Variants in GRIP1 observed in about 807,000 individuals in gnomAD.
GRIP1 encodes the protein glutamate receptor-interacting protein 1.
GRIP1 carries 45 observed loss-of-function variants against 129.9 expected under a neutral mutation model. The observed-to-expected ratio is 0.35, with a 90% CI of 0.27 to 0.44. The LOEUF is 0.44. Among genes scored for constraint, GRIP1 ranks in the 20% least tolerant of loss-of-function variants. The pLI is 1.00. For missense variants in GRIP1, 1,196 were observed against 1,396.8 expected (o/e 0.86, Z 2.29); for synonymous variants, 530 against 520.8 (o/e 1.02, Z -0.24).
At position 66,698,820 on chromosome 12, in the gene GRIP1, C is replaced by T. The variant is rs1473541074; in HGVS notation, c.-419-68484G>A. 3.3e-5 allele frequency among the ~76,000 whole-genome samples: 5 copies of T among 152,142 alleles called. No homozygotes were observed. In the East Asian group the frequency reaches 9.6e-4, roughly 29 times the overall value. On this transcript the variant is annotated intron_variant, in intron 1 of 4. Coordinates refer to the GRIP1 transcript ENST00000538373. ...GTTACCATAACAAACTTGGTTATTT[C>T]TTTCTTTGACTTTTTAAAGCACAGT... is the stretch of plus-strand genomic sequence containing the variant.
chr12:66,951,728 G>A (rs544892179), intron 1 of GRIP1, among the ~76,000 whole-genome samples: 3 of 152,322 alleles, frequency 2.0e-5, no homozygotes, highest in Admixed American at 6.5e-5. Context: ...TTGCGTATCT[G>A]GAGAGGTACA....
At chr12:66,945,980 G>A (rs1592377300) in intron 1 of GRIP1, among the ~76,000 whole-genome samples, 1 of 152,094 alleles carries the variant, frequency 6.6e-6, no homozygotes, top group Non-Finnish European at 1.5e-5. Flanking sequence ...AGGCCCAGAT[G>A]CCCAATTCCT....
intron 1 of GRIP1, among the ~76,000 whole-genome samples, chr12:66,710,322 A>T (rs1314096098): frequency 6.6e-6 from 1 of 152,014 alleles, no homozygotes; most frequent in Non-Finnish European, 1.5e-5. Context: ...TAAAATAATA[A>T]ATAGTCTCTT....
chr12:66,715,471 T>TGAGA (rs71447469), intron 1 of GRIP1, among the ~76,000 whole-genome samples: 6,451 of 109,872 alleles, frequency 0.059, 367 homozygotes, highest in Non-Finnish European at 0.094. Flanking sequence ...TGTGTGTGTG[T>TGAGA]GAGAGAGAGA....
intron 1 of GRIP1, among the ~76,000 whole-genome samples, chr12:66,981,055 C>T (rs1016967155): frequency 2.0e-5 from 3 of 152,162 alleles, no homozygotes; most frequent in Non-Finnish European, 4.4e-5. Flanking sequence ...GCCTTCTATT[C>T]CAATTGAATT....
intron 7 of GRIP1, among the ~76,000 whole-genome samples, chr12:66,485,605 T>C (rs2059932477): frequency 6.6e-6 from 1 of 152,028 alleles, no homozygotes; most frequent in East Asian, 1.9e-4. Flanking sequence ...GGTTATACTT[T>C]ATATGTTATG....
At chr12:66,765,187 A>C (rs1246958767) in intron 1 of GRIP1, among the ~76,000 whole-genome samples, 1 of 152,180 alleles carries the variant, frequency 6.6e-6, no homozygotes, top group African/African-American at 2.4e-5. Context: ...TAGCCTGTTC[A>C]TCTGCCTGGT....
intron 1 of GRIP1, among the ~76,000 whole-genome samples, chr12:66,833,156 T>A (rs2039548837): frequency 6.6e-6 from 1 of 152,204 alleles, no homozygotes; most frequent in Admixed American, 6.5e-5. Context: ...GACATGGTGT[T>A]AAGGAAGGTG....
intron 19 of GRIP1, among the ~76,000 whole-genome samples, chr12:66,385,530 C>T (rs141902468): frequency 2.0e-5 from 3 of 151,888 alleles, no homozygotes; most frequent in East Asian, 1.9e-4. Context: ...AAGCAAAACT[C>T]GGTCTCAAAA....
At chr12:66,702,920 T>C (rs758733590) in intron 1 of GRIP1, among the ~76,000 whole-genome samples, 20 of 152,158 alleles carry the variant, frequency 1.3e-4, no homozygotes, top group Non-Finnish European at 2.4e-4. Context: ...AGAAACACCA[T>C]GAGATAAAAG....
At chr12:66,917,697 T>C (rs1237534625) in intron 1 of GRIP1, among the ~76,000 whole-genome samples, 1 of 152,200 alleles carries the variant, frequency 6.6e-6, no homozygotes, top group African/African-American at 2.4e-5. Flanking sequence ...ATTTAAAGAA[T>C]GTTCTGAGAC....
intron 1 of GRIP1, among the ~76,000 whole-genome samples, chr12:66,667,865 G>A (rs903272821): frequency 2.6e-5 from 4 of 152,176 alleles, no homozygotes; most frequent in Non-Finnish European, 5.9e-5. Context: ...TCCTTCCTCT[G>A]CCTGATTTCC....
chr12:66,788,148 A>G (rs1374712013), intron 1 of GRIP1, among the ~76,000 whole-genome samples: 3 of 152,164 alleles, frequency 2.0e-5, no homozygotes, highest in South Asian at 2.1e-4. Flanking sequence ...TTGAGTGCCA[A>G]TGGAGAACAG....
At chr12:66,871,708 G>A (rs1297338872) in intron 1 of GRIP1, among the ~76,000 whole-genome samples, 5 of 152,052 alleles carry the variant, frequency 3.3e-5, no homozygotes, top group African/African-American at 1.2e-4. Flanking sequence ...AAAGACTGCA[G>A]AGTTAAGCTG....
intron 1 of GRIP1, among the ~76,000 whole-genome samples, chr12:67,037,164 T>C (rs2043108893): frequency 6.6e-6 from 1 of 151,724 alleles, no homozygotes; most frequent in Admixed American, 6.6e-5. Context: ...CCTTCTCTAC[T>C]AAAAATACAA....
chr12:66,755,063 T>C (rs1008187647), intron 1 of GRIP1, among the ~76,000 whole-genome samples: 4 of 152,204 alleles, frequency 2.6e-5, no homozygotes, highest in Non-Finnish European at 5.9e-5. Context: ...TAATGATTAT[T>C]CTAGTAAAAC....
intron 1 of GRIP1, among the ~76,000 whole-genome samples, chr12:66,730,701 CAAAAAAAA>C (rs3051132): frequency 1.4e-5 from 1 of 71,188 alleles, no homozygotes; most frequent in Non-Finnish European, 2.7e-5. Flanking sequence ...GGGTCATCTA[CAAAAAAAA>C]AAAAAAAAAA....
chr12:66,686,063 T>C (rs1461908029), intron 1 of GRIP1, among the ~76,000 whole-genome samples: 1 of 152,206 alleles, frequency 6.6e-6, no homozygotes, highest in Non-Finnish European at 1.5e-5. Context: ...CATAAATTAC[T>C]TTAAAAAAAC....
intron 19 of GRIP1, among the ~76,000 whole-genome samples, chr12:66,381,556 G>A (rs2056110091): frequency 6.6e-6 from 1 of 152,180 alleles, no homozygotes; most frequent in African/African-American, 2.4e-5. Context: ...ATGCTAATTG[G>A]TGGTGTCTTC....
Sources: allele counts gnomAD v4.1 joint callset (sites outside exome capture counted in the v4.1 genomes callset), GRCh38; gene constraint gnomAD v4.1.1; transcripts MANE v1.5; gene names NCBI Gene and HGNC (gene_info 2026-07-23, HGNC 2026-07-21).